The following PPP1R1C variants were observed in gnomAD, a reference collection of about 807,000 sequenced individuals.
PPP1R1C encodes the protein protein phosphatase 1 regulatory subunit 1C.
PPP1R1C carries 15 observed loss-of-function variants against 17.4 expected under a neutral mutation model. That is an observed-to-expected ratio of 0.86 (90% CI 0.58 to 1.33). The LOEUF is 1.33. PPP1R1C is among the 40% of genes most tolerant of loss of function. The probability of loss-of-function intolerance (pLI) is 0.00; values close to 1 mark genes in which losing one functional copy is unlikely to be tolerated. For missense variants in PPP1R1C, 143 were observed against 130.0 expected, an observed-to-expected ratio of 1.10 and a Z score of -0.48; for synonymous variants, 35 against 43.1, an observed-to-expected ratio of 0.81 and a Z score of 0.73.
chr2:182,099,106 A>T (rs551932912), intron 4 of PPP1R1C, among the ~76,000 whole-genome samples: 3 of 152,294 alleles, frequency 2.0e-5, no homozygotes, highest in Admixed American at 2.0e-4. Flanking sequence ...GTGGGGGAAA[A>T]CTAGATTTGA....
intron 1 of PPP1R1C, among the ~76,000 whole-genome samples, chr2:181,972,484 T>C (rs898130538): frequency 1.6e-4 from 25 of 151,582 alleles, no homozygotes; most frequent in African/African-American, 6.1e-4. Context: ...TGTAATTACT[T>C]TTTAATAGGA....
chr2:182,060,288 C>G (rs760741633), intron 2 of PPP1R1C, among the ~76,000 whole-genome samples: 6 of 152,086 alleles, frequency 3.9e-5, no homozygotes, highest in Non-Finnish European at 8.8e-5. Context: ...AGTTTGTTCT[C>G]TTACTATATG....
chr2:182,024,655 G>A (rs892433655), intron 2 of PPP1R1C, among the ~76,000 whole-genome samples: 17 of 151,764 alleles, frequency 1.1e-4, no homozygotes, highest in African/African-American at 3.9e-4. Context: ...TCAGGAGTTC[G>A]AGACCAGCCT....
intron 2 of PPP1R1C, among the ~76,000 whole-genome samples, chr2:182,029,541 C>G (rs1242364722): frequency 6.9e-6 from 1 of 145,450 alleles, no homozygotes; most frequent in East Asian, 2.0e-4. Flanking sequence ...AATATTGGCC[C>G]CCACTCTCTT....
chr2:182,086,520 A>G (rs1004614295), intron 4 of PPP1R1C, among the ~76,000 whole-genome samples: 1 of 152,182 alleles, frequency 6.6e-6, no homozygotes, highest in Non-Finnish European at 1.5e-5. Flanking sequence ...TGAATCTGTT[A>G]TAAATGTGAT....
At chr2:182,109,245 C>T (rs1381397722) in intron 4 of PPP1R1C, among the ~76,000 whole-genome samples, 1 of 151,972 alleles carries the variant, frequency 6.6e-6, no homozygotes, top group Non-Finnish European at 1.5e-5. Flanking sequence ...GGATAGTAGC[C>T]CTTTTATCAG....
intron 4 of PPP1R1C, among the ~76,000 whole-genome samples, chr2:182,087,485 C>T (rs533705032): frequency 5.3e-5 from 8 of 152,302 alleles, no homozygotes; most frequent in Non-Finnish European, 8.8e-5. Flanking sequence ...ACTTATTAAT[C>T]ACATATGATG....
chr2:182,008,384 A>C (rs935804877), intron 2 of PPP1R1C, among the ~76,000 whole-genome samples: 1 of 152,176 alleles, frequency 6.6e-6, no homozygotes, highest in African/African-American at 2.4e-5. Flanking sequence ...GACTTCTCTG[A>C]TAAATTTACT....
chr2:181,967,989 G>T lies in PPP1R1C; in HGVS notation n.112-7230G>T, dbSNP rs1030742569. Among the ~76,000 whole-genome samples, 1 of 152,132 alleles carries T rather than the reference G, an allele frequency of 6.6e-6. No homozygotes were observed. Among genetic ancestry groups the T allele is most frequent in the African/African-American group, 2.4e-5 (1 of 41,436 alleles). ...CTTGGTCTCCCAAAGTGCTGGGATT[G>T]CAGGCATAAGCCACTGTGCCCGGCC... On this transcript the variant is annotated intron_variant and non_coding_transcript_variant, in intron 1 of 5. Transcript: ENST00000464264. This position sits in a 1 kb window ranked among gnomAD's most constrained non-coding sequence, Gnocchi z 5.5.
chr2:182,035,655 C>A (rs145117132), intron 2 of PPP1R1C, among the ~76,000 whole-genome samples: 2 of 152,010 alleles, frequency 1.3e-5, no homozygotes, highest in African/African-American at 2.4e-5. Context: ...TAGCACCTCC[C>A]CCTTCGCTCT....
At chr2:182,113,818 A>C (rs867430628) in intron 4 of PPP1R1C, among the ~76,000 whole-genome samples, 3 of 152,306 alleles carry the variant, frequency 2.0e-5, no homozygotes, top group Middle Eastern at 6.8e-3. Context: ...TGTTATCTAC[A>C]AATGTAATGA....
chr2:182,049,796 A>T (rs951510509), intron 2 of PPP1R1C, among the ~76,000 whole-genome samples: 3 of 152,142 alleles, frequency 2.0e-5, no homozygotes, highest in African/African-American at 7.2e-5. Context: ...TGTATTTTTT[A>T]AATTTACGTT....
chr2:181,992,137 G>A (rs1419264265), intron 2 of PPP1R1C, among the ~76,000 whole-genome samples: 2 of 152,102 alleles, frequency 1.3e-5, no homozygotes, highest in African/African-American at 4.8e-5. Context: ...CCAAGTCCCT[G>A]AGACTCGCTC....
At chr2:181,956,975 C>T (rs891554535) in intron 1 of PPP1R1C, among the ~76,000 whole-genome samples, 2 of 152,316 alleles carry the variant, frequency 1.3e-5, no homozygotes, top group African/African-American at 4.8e-5. Flanking sequence ...GCTGTTCACA[C>T]TGTTAAACCT....
intron 4 of PPP1R1C, among the ~76,000 whole-genome samples, chr2:182,076,577 T>C (rs1688319841): frequency 6.6e-6 from 1 of 150,848 alleles, no homozygotes; most frequent in Admixed American, 6.6e-5. Context: ...ATGCTTTAAG[T>C]CCTGATGGTT....
intron 2 of PPP1R1C, among the ~76,000 whole-genome samples, chr2:182,009,641 A>G (rs547531544): frequency 6.6e-6 from 1 of 151,928 alleles, no homozygotes; most frequent in Admixed American, 6.6e-5. Flanking sequence ...ATATGATTCT[A>G]TTTGTCCATT....
At chr2:182,031,957 G>T (rs1300479596) in intron 2 of PPP1R1C, among the ~76,000 whole-genome samples, 3 of 152,236 alleles carry the variant, frequency 2.0e-5, no homozygotes, top group African/African-American at 7.2e-5. Context: ...AAACTCGGGA[G>T]ATTGTTGGAG....
intron 2 of PPP1R1C, chr2:182,023,986 T>G (rs919570647): frequency 5.9e-5 from 9 of 152,134 alleles, no homozygotes; most frequent in African/African-American, 2.2e-4. Context: ...AGCAAATTTC[T>G]CCTTCTCATA....
At chr2:182,039,435 A>G (rs1308667321) in intron 2 of PPP1R1C, among the ~76,000 whole-genome samples, 1 of 152,050 alleles carries the variant, frequency 6.6e-6, no homozygotes, top group Admixed American at 6.6e-5. Flanking sequence ...CCTAGGCTAG[A>G]ATGCAGTGGT....
Sources: gnomAD v4.1 joint callset for allele counts (sites outside exome capture counted in the v4.1 genomes callset) on GRCh38, gnomAD v4.1.1 for gene constraint, Gnocchi (gnomAD v3.1) non-coding constraint, MANE v1.5 for transcripts, NCBI Gene and HGNC (gene_info 2026-07-23, HGNC 2026-07-21) for gene names.